The following ADCY10 variants were observed in gnomAD, a reference collection of about 807,000 sequenced individuals.
ADCY10 encodes adenylate cyclase 10.
In ADCY10, 156 loss-of-function variants were observed where a neutral mutation model predicts 183.3. The observed-to-expected ratio is 0.85, with a 90% CI of 0.75 to 0.97. The LOEUF (loss-of-function observed/expected upper bound fraction) is 0.97. ADCY10 is among the 50% of genes least tolerant of loss of function. The pLI, the probability that ADCY10 is intolerant of heterozygous loss-of-function variation, is 0.00. For synonymous variants in ADCY10, 645 were observed against 670.0 expected (o/e 0.96, Z 0.58); for missense variants, 1,745 against 1,934.3 (o/e 0.90, Z 1.84).
intron 13 of ADCY10, among the ~76,000 whole-genome samples, chr1:167,872,679 A>G (rs781505785): frequency 4.6e-5 from 7 of 150,898 alleles, no homozygotes; most frequent in Non-Finnish European, 1.0e-4. Context: ...GCCTCTGACA[A>G]TCTGTGTTTG....
At chr1:167,852,358 T>C (rs962548299) in intron 18 of ADCY10, among the ~76,000 whole-genome samples, 26 of 152,150 alleles carry the variant, frequency 1.7e-4, no homozygotes, top group African/African-American at 6.3e-4. Context: ...GCAGGAGAAC[T>C]GCTTGAGCGC....
chr1:167,846,930 CTT>C (rs773821027), intron 19 of ADCY10, among the ~76,000 whole-genome samples: 2 of 145,236 alleles, frequency 1.4e-5, no homozygotes, highest in Admixed American at 6.9e-5. Flanking sequence ...AGTCCATCCT[CTT>C]TTTTTTTTTT....
rs1333432217 is a variant in ADCY10, at chr1:167,846,238, G to A, written c.2463C>T (p.Ser821=). ...LKEISLIQLD[S]MRLSHQMLVR... ...CCAGCATTTGGTGGGAAAGTCTCAT[G>A]CTATCCAGCTGGATCAGAGAGATTT... Residue 821 remains serine, a synonymous_variant, in exon 20 of 33, where the codon AGC becomes AGT. Transcript: ENST00000367851. 6.2e-7 allele frequency: 1 copy of A among 1,614,198 alleles called. No homozygotes were observed. Among genetic ancestry groups the A allele is most frequent in the Non-Finnish European group, 8.5e-7 (1 of 1,180,044 alleles).
Position 167,836,357 on chromosome 1 carries a change from G to A in ADCY10, c.3261C>T (p.Tyr1087=), listed in dbSNP as rs1558165313. Residue 1087 remains tyrosine, a synonymous_variant, in exon 23 of 33, where the codon TAC becomes TAT. Coordinates refer to ENST00000367851, the MANE Select transcript of ADCY10 (RefSeq NM_018417.6). ...ALGENDKALY[Y]FLEIASAYLI... ...GATAAGCAGATGCAATTTCTAAGAA[G>A]TAATATAAGGCTTTGTCATTTTCTC... 2.5e-6 allele frequency: 4 copies of A among 1,614,060 alleles called. No homozygotes were observed. The highest frequency in any genetic ancestry group is 3.4e-6 in the Non-Finnish European group (4 of 1,179,978).
rs115002565 is a variant in ADCY10, at chr1:167,837,939, T to A, written c.3008-621A>T. Among the ~76,000 whole-genome samples the A allele has an allele frequency of 6.6e-3, 1,000 of 152,336 alleles. 10 individuals are homozygous for A. The highest frequency in any genetic ancestry group is 0.023 in the African/African-American group (965 of 41,572). On this transcript the variant is annotated intron_variant, in intron 21 of 32. Coordinates refer to ENST00000367851, the MANE Select transcript of ADCY10 (RefSeq NM_018417.6). ...TTGAACAGGTTAGAAAATTCCATAA[T>A]GATCTTAAAACAGAAAACAAATGAG... is the stretch of plus-strand genomic sequence containing the variant.
chr1:167,838,998 A>C (rs1664430233), intron 21 of ADCY10, among the ~76,000 whole-genome samples: 1 of 152,202 alleles, frequency 6.6e-6, no homozygotes, highest in Non-Finnish European at 1.5e-5. Context: ...AACATATCTG[A>C]ATTCATCGTC....
intron 26 of ADCY10, among the ~76,000 whole-genome samples, chr1:167,825,905 GA>G: frequency 6.6e-6 from 1 of 152,308 alleles, no homozygotes; most frequent in African/African-American, 2.4e-5. Flanking sequence ...ATAGTGAGGA[GA>G]AAAGGGTTCC....
chr1:167,880,908 C>T (rs979552757), intron 9 of ADCY10, among the ~76,000 whole-genome samples: 2 of 152,136 alleles, frequency 1.3e-5, no homozygotes, highest in Non-Finnish European at 1.5e-5. Context: ...CTGCAAAGTG[C>T]TCAGTTTAAG....
chr1:167,837,601 T>G (rs1426653098), intron 21 of ADCY10, among the ~76,000 whole-genome samples: 2 of 152,242 alleles, frequency 1.3e-5, no homozygotes, highest in Non-Finnish European at 2.9e-5. Context: ...ACCTGAAGGA[T>G]AGCAAACCCA....
intron 6 of ADCY10, among the ~76,000 whole-genome samples, chr1:167,898,813 C>T (rs1290944750): frequency 1.3e-5 from 2 of 152,088 alleles, no homozygotes; most frequent in Non-Finnish European, 2.9e-5. Context: ...CCGCGTAGTC[C>T]CATTCCTTTG....
intron 25 of ADCY10, among the ~76,000 whole-genome samples, chr1:167,830,022 T>A (rs1323881173): frequency 6.6e-6 from 1 of 152,194 alleles, no homozygotes; most frequent in Non-Finnish European, 1.5e-5. Context: ...GAAAGCTGAG[T>A]CATGCAAGAA....
At chr1:167,846,902 C>T (rs1037858012) in intron 19 of ADCY10, among the ~76,000 whole-genome samples, 1 of 151,952 alleles carries the variant, frequency 6.6e-6, no homozygotes, top group East Asian at 1.9e-4. Context: ...GCCCAAAAAA[C>T]ACAGTAGAAA....
chr1:167,856,485 G>T (rs778035554), intron 16 of ADCY10, 46 bp from the exon 17 acceptor site: 9 of 1,608,466 alleles, frequency 5.6e-6, no homozygotes, highest in Non-Finnish European at 7.6e-6. Flanking sequence ...TAGGACGTCA[G>T]GTTTTTTTAC....
chr1:167,828,163 A>G lies in ADCY10; in HGVS notation c.3750+1104T>C, dbSNP rs113379348. Reference sequence around the variant, plus strand: ...CTTACAACTATGTTGCAGAAAACTGATATTAATATAAGTGATATGATTTGT... The same window carrying G: ...CTTACAACTATGTTGCAGAAAACTGGTATTAATATAAGTGATATGATTTGT... On this transcript the variant is annotated intron_variant, in intron 26 of 32. Coordinates refer to ENST00000367851, the MANE Select transcript of ADCY10 (RefSeq NM_018417.6). 4.8e-3 allele frequency among the ~76,000 whole-genome samples: 732 copies of G among 152,328 alleles called. 4 individuals carry two copies. The highest frequency in any genetic ancestry group is 0.017 in the African/African-American group (690 of 41,566).
chr1:167,911,118 C>T (rs181319576), intron 1 of ADCY10, among the ~76,000 whole-genome samples: 37 of 152,198 alleles, frequency 2.4e-4, no homozygotes, highest in Admixed American at 1.2e-3. Context: ...TGGCAATCAC[C>T]GAAGGACAAA....
chr1:167,883,372 T>C (rs1285944386), intron 9 of ADCY10, 65 bp downstream of exon 9: 5 of 1,555,708 alleles, frequency 3.2e-6, no homozygotes, highest in South Asian at 1.1e-5. Flanking sequence ...TTCTCACCAA[T>C]GTGCTTGTCC....
intron 21 of ADCY10, among the ~76,000 whole-genome samples, chr1:167,845,267 G>T (rs1401196004): frequency 6.6e-6 from 1 of 152,084 alleles, no homozygotes; most frequent in Non-Finnish European, 1.5e-5. Context: ...CCATCCTTTG[G>T]TGTGAATTAA....
chr1:167,880,291 G>A (rs914059837), intron 10 of ADCY10, 100 bp from the exon 11 acceptor site: 20 of 1,182,848 alleles, frequency 1.7e-5, no homozygotes, highest in Non-Finnish European at 2.5e-5. Context: ...GGGAAAGGGT[G>A]GGAAAGGATT....
Position 167,826,575 on chromosome 1 carries a change from C to T in ADCY10, c.3751-1720G>A, listed in dbSNP as rs540256421. ...TATTTTCCCCACCCCAACTCTACCA[C>T]AATTCTTAGGATATAGCTCCAAGTG... On this transcript the variant is annotated intron_variant, in intron 26 of 32. Transcript: ENST00000367851. Among the ~76,000 whole-genome samples, 6 of 152,280 alleles carry T rather than the reference C, an allele frequency of 3.9e-5. No individual in the cohort carries two copies. In the South Asian group the frequency reaches 8.3e-4, roughly 21 times the overall value.
Sources: gnomAD v4.1 joint callset for allele counts (sites outside exome capture counted in the v4.1 genomes callset) on GRCh38, gnomAD v4.1.1 for gene constraint, MANE v1.5 for transcripts, NCBI Gene and HGNC (gene_info 2026-07-23, HGNC 2026-07-21) for gene names.